GTF2H5: variants seen among roughly 807,000 people sequenced by gnomAD.
The protein encoded by GTF2H5 is general transcription factor IIH subunit 5.
Under a neutral mutation model 7.1 loss-of-function variants are expected in GTF2H5, and 5 were observed. The ratio of observed to expected loss-of-function variants is 0.71; its 90% CI spans 0.37 to 1.49. GTF2H5 has a LOEUF of 1.49. Among genes scored for constraint, GTF2H5 ranks in the 40% most tolerant of loss-of-function variants. The probability of loss-of-function intolerance (pLI) is 0.03; values close to 1 mark genes in which losing one functional copy is unlikely to be tolerated. For missense variants in GTF2H5, 80 were observed against 83.0 expected, an observed-to-expected ratio of 0.96 and a Z score of 0.14; for synonymous variants, 30 against 31.7, an observed-to-expected ratio of 0.95 and a Z score of 0.18.
At chr6:158,189,541 G>A (rs947406413) in intron 2 of GTF2H5, among the ~76,000 whole-genome samples, 5 of 151,878 alleles carry the variant, frequency 3.3e-5, no homozygotes, top group South Asian at 2.1e-4. Flanking sequence ...CCTTACCCTC[G>A]TGCCAGCTCT....
chr6:158,169,210 G>A (rs1054552095), intron 1 of GTF2H5, among the ~76,000 whole-genome samples: 2 of 143,632 alleles, frequency 1.4e-5, no homozygotes, highest in East Asian at 2.0e-4. Flanking sequence ...CTCCAGCCTG[G>A]GCGACAGAGT....
rs1777132840 is a variant in GTF2H5 at position 158,197,587 on chromosome 6, G to C, written c.*5430G>C. ...TTTGGATCCTCAAGTCATTTTGCTT[G>C]TTGACTTTTTGGAGGGCCAAATAAA... On this transcript the variant is annotated 3_prime_UTR_variant, in exon 3 of 3. Coordinates refer to ENST00000607778, the MANE Select transcript of GTF2H5 (RefSeq NM_207118.3). 6.6e-6 allele frequency: 1 copy of C among 152,116 alleles called. No homozygotes were observed. Among genetic ancestry groups the C allele is most frequent in the Admixed American group, 6.6e-5 (1 of 15,264 alleles). 9.4% of individuals were successfully genotyped at this position (152,116 alleles called of 1,614,324 possible).
chr6:158,189,331 C>A (rs1776982618), intron 2 of GTF2H5, among the ~76,000 whole-genome samples: 2 of 152,140 alleles, frequency 1.3e-5, no homozygotes, highest in African/African-American at 4.8e-5. Context: ...TCTACAGACA[C>A]CCCAATCTGT....
intron 2 of GTF2H5, among the ~76,000 whole-genome samples, chr6:158,177,763 C>T (rs1785952757): frequency 1.3e-5 from 2 of 152,160 alleles, no homozygotes; most frequent in Non-Finnish European, 2.9e-5. Flanking sequence ...ATGATCGCCT[C>T]CCTGTGTCCA....
Position 158,169,409 on chromosome 6 carries a change from T to TTATATATAATATTATATTGTATATTA in GTF2H5, c.-35+1021_-35+1022insAATATTATATTGTATATTATATATAT, listed in dbSNP as rs1268730289. Among the ~76,000 whole-genome samples the TTATATATAATATTATATTGTATATTA allele has an allele frequency of 1.2e-4, 9 of 76,046 alleles. No individual in the cohort carries two copies. The East Asian group carries it at 1.6e-3, about 13-fold the overall frequency. 49.9% of individuals were successfully genotyped at this position (76,046 alleles called of 152,430 possible). A position where few individuals can be genotyped will look rare whatever the true frequency, so the allele number is the denominator to read the frequency against. On this transcript the variant is annotated intron_variant, in intron 1 of 2. Coordinates refer to ENST00000607778, the MANE Select transcript of GTF2H5 (RefSeq NM_207118.3). The stretch of plus-strand genomic sequence containing the variant: ...ATTATATATAATATTATATTGTATA[T>TTATATATAATATTATATTGTATATTA]TATATATTATATATAATATATTGTA...
chr6:158,179,776 T>C (rs547415681), intron 2 of GTF2H5, among the ~76,000 whole-genome samples: 1 of 152,336 alleles, frequency 6.6e-6, no homozygotes, highest in East Asian at 1.9e-4. Flanking sequence ...AATCATGTCA[T>C]CTGCAAACAG....
intron 1 of GTF2H5, among the ~76,000 whole-genome samples, chr6:158,169,858 A>G (rs936503398): frequency 2.1e-5 from 3 of 140,086 alleles, no homozygotes; most frequent in African/African-American, 5.3e-5. Flanking sequence ...CACACACGAT[A>G]CAACACAGTA....
intron 1 of GTF2H5, among the ~76,000 whole-genome samples, chr6:158,169,508 T>TATATATAATATACA (rs1562468434): frequency 1.0e-4 from 7 of 67,318 alleles, no homozygotes; most frequent in African/African-American, 3.8e-4. Context: ...TATAATATAT[T>TATATATAATATACA]GTATATTATA....
intron 2 of GTF2H5, 132 bp downstream of exon 2, chr6:158,170,670 C>T: frequency 1.4e-6 from 1 of 726,388 alleles, no homozygotes; most frequent in Non-Finnish European, 2.4e-6. Context: ...ACAAGTGGCA[C>T]AGATTTTGTT....
chr6:158,178,282 C>T (rs1437954794), intron 2 of GTF2H5, among the ~76,000 whole-genome samples: 1 of 151,970 alleles, frequency 6.6e-6, no homozygotes, highest in Non-Finnish European at 1.5e-5. Context: ...GTCAGGAGAT[C>T]GAGACCATCC....
Position 158,192,151 on chromosome 6 carries a change from G to C in GTF2H5, c.210G>C (p.Gln70His). 6.2e-7 allele frequency: 1 copy of C among 1,611,436 alleles called. No homozygotes were observed. Among genetic ancestry groups the C allele is most frequent in the Non-Finnish European group, 8.5e-7 (1 of 1,178,792 alleles). ...ACCAAAATGCTTTTTCCCTTACCCA[G>C]AAATGAAAATACTCAATATGGACCA... ...LMDQNAFSLTQK is the reference protein window; with the variant it reads ...LMDQNAFSLTHK Residue 70 changes from glutamine to histidine, a missense_variant, in exon 3 of 3, where the codon CAG becomes CAC. Physicochemically the swap from Gln to His is conservative, Grantham distance 24 (BLOSUM62 0). Coordinates refer to ENST00000607778, the MANE Select transcript of GTF2H5 (RefSeq NM_207118.3).
At chr6:158,175,451 C>T (rs1583630009) in intron 2 of GTF2H5, among the ~76,000 whole-genome samples, 1 of 152,184 alleles carries the variant, frequency 6.6e-6, no homozygotes, top group East Asian at 1.9e-4. Flanking sequence ...AACACAATAA[C>T]TCCGTTTCTA....
At chr6:158,179,654 T>A (rs1275430070) in intron 2 of GTF2H5, among the ~76,000 whole-genome samples, 1 of 152,176 alleles carries the variant, frequency 6.6e-6, no homozygotes, top group East Asian at 1.9e-4. Context: ...CTGTTATTGG[T>A]GTATAGGAAT....
intron 2 of GTF2H5, among the ~76,000 whole-genome samples, chr6:158,185,801 A>T (rs1175948724): frequency 6.6e-6 from 1 of 151,946 alleles, no homozygotes; most frequent in African/African-American, 2.4e-5. Flanking sequence ...TGAGTCCAGG[A>T]GTTCGACATA....
intron 2 of GTF2H5, among the ~76,000 whole-genome samples, chr6:158,186,925 C>T (rs1358206352): frequency 6.6e-6 from 1 of 152,182 alleles, no homozygotes; most frequent in Non-Finnish European, 1.5e-5. Flanking sequence ...TTTTATCACG[C>T]AGATGAAGTC....
At chr6:158,172,208 C>T (rs944622560) in intron 2 of GTF2H5, among the ~76,000 whole-genome samples, 4 of 151,920 alleles carry the variant, frequency 2.6e-5, no homozygotes, top group Admixed American at 2.0e-4. Context: ...GTTAAATATT[C>T]ACTTCTCTCT....
chr6:158,177,046 A>G (rs897221047), intron 2 of GTF2H5, among the ~76,000 whole-genome samples: 1 of 152,244 alleles, frequency 6.6e-6, no homozygotes, highest in African/African-American at 2.4e-5. Context: ...CATGGCCATC[A>G]TGAACATGTC....
chr6:158,187,862 G>A (rs924329680), intron 2 of GTF2H5, among the ~76,000 whole-genome samples: 5 of 152,146 alleles, frequency 3.3e-5, no homozygotes, highest in South Asian at 2.1e-4. Context: ...CACCGCACCC[G>A]GCCAAGATCT....
Position 158,196,808 on chromosome 6 carries a change from T to G in GTF2H5, c.*4651T>G, listed in dbSNP as rs1006745573. On this transcript the variant is annotated 3_prime_UTR_variant, in exon 3 of 3. Transcript: ENST00000607778. ...AGAAAGGACAAGACAATGTTGAAGA[T>G]GAAACCTACAGCAGCAGACCATGCC... 1 of 152,222 alleles carries G rather than the reference T, an allele frequency of 6.6e-6. No individual in the cohort carries two copies. The highest frequency in any genetic ancestry group is 2.4e-5 in the African/African-American group (1 of 41,462). The allele number at this position is 152,222 out of a possible 1,614,324, so 9.4% of individuals were successfully genotyped here.
Sources: allele counts gnomAD v4.1 joint callset (sites outside exome capture counted in the v4.1 genomes callset), GRCh38; gene constraint gnomAD v4.1.1; transcripts MANE v1.5; gene names NCBI Gene and HGNC (gene_info 2026-07-23, HGNC 2026-07-21).